MIOS: variants seen among roughly 807,000 people sequenced by gnomAD.
MIOS encodes GATOR2 complex protein MIOS.
A neutral mutation model predicts 96.9 loss-of-function variants in MIOS; 52 were observed. The ratio of observed to expected loss-of-function variants is 0.54; its 90% CI spans 0.43 to 0.68. The LOEUF is 0.68. MIOS is among the 30% of genes least tolerant of loss of function. The pLI is 0.00. For synonymous variants in MIOS, 397 were observed against 359.5 expected (o/e 1.10, Z -1.18); for missense variants, 1,005 against 1,052.8 (o/e 0.95, Z 0.63).
At position 7,583,108 on chromosome 7, in the gene MIOS, CT is replaced by C. The variant is rs1783781277; in HGVS notation, c.1394-9del. The C allele has an allele frequency of 1.9e-6, 3 of 1,592,184 alleles. No individual in the cohort carries two copies. The highest frequency in any genetic ancestry group is 1.8e-5 in the Admixed American group (1 of 55,918). On this transcript the variant is annotated splice_polypyrimidine_tract_variant and intron_variant, in intron 5 of 12. Coordinates refer to ENST00000340080, the MANE Select transcript of MIOS (RefSeq NM_019005.4). ...AAATAAAACAATATAAAAATGTTTT[CT>C]GTTTTTAGGAATGGTGGAAAGCAGC...
intron 5 of MIOS, among the ~76,000 whole-genome samples, chr7:7,580,688 T>G (rs557480507): frequency 2.7e-5 from 3 of 112,368 alleles, no homozygotes; most frequent in African/African-American, 9.7e-5. Context: ...CTATGTACTA[T>G]TTTACCTTTT....
intron 10 of MIOS, among the ~76,000 whole-genome samples, chr7:7,595,900 T>G (rs998842280): frequency 6.6e-6 from 1 of 152,212 alleles, no homozygotes; most frequent in African/African-American, 2.4e-5. Context: ...GAAAATTTTG[T>G]TCAGAAGATT....
rs750969155 is a variant in MIOS at position 7,589,504 on chromosome 7, A to G, written c.1984A>G (p.Met662Val). ...TGLTKDGVDLMESYVDRTGDV... is the reference protein window; with the variant it reads ...TGLTKDGVDLVESYVDRTGDV... ...CCTTACTAAAGATGGAGTGGACTTA[A>G]TGGAGAGTTATGTTGATAGAACTGG... Residue 662 changes from methionine (M) to valine (V), a missense_variant, in exon 9 of 13, where the codon ATG (methionine) becomes GTG (valine). Met to Val is a conservative substitution (Grantham distance 21, BLOSUM62 1). Coordinates refer to ENST00000340080, the MANE Select transcript of MIOS (RefSeq NM_019005.4). 2.5e-6 allele frequency: 4 copies of G among 1,613,562 alleles called. No individual in the cohort carries two copies. Among genetic ancestry groups the G allele is most frequent in the Non-Finnish European group, 3.4e-6 (4 of 1,179,678 alleles).
Position 7,585,766 on chromosome 7 carries a change from A to G in MIOS, c.1779A>G (p.Ala593=), listed in dbSNP as rs760076658. 19 of 1,611,550 alleles carry G rather than the reference A, an allele frequency of 1.2e-5. No homozygotes were observed. The highest frequency in any genetic ancestry group is 1.1e-4 in the African/African-American group (8 of 74,910). The change falls in exon 7 of 13, where the codon GCA becomes GCG. Residue 593 remains alanine (A), a synonymous_variant. Coordinates refer to ENST00000340080, the MANE Select transcript of MIOS (RefSeq NM_019005.4). ...ACCCGTATTTGTGTGTCATGTTTGC[A>G]TTTCTGACAAGTGAAACAGGATCTT... The part of the protein sequence containing the change: ...LNNPYLCVMF[A]FLTSETGSYD...
chr7:7,593,840 C>G (rs1390428391), intron 9 of MIOS, among the ~76,000 whole-genome samples: 2 of 142,074 alleles, frequency 1.4e-5, no homozygotes, highest in African/African-American at 5.3e-5. Context: ...GATCGTGCCA[C>G]TGCGCTCCAG....
At chr7:7,587,744 G>A (rs373542840) in intron 7 of MIOS, among the ~76,000 whole-genome samples, 2 of 151,974 alleles carry the variant, frequency 1.3e-5, no homozygotes, top group African/African-American at 4.8e-5. Context: ...TAAGATATAG[G>A]TATCAACTGA....
intron 11 of MIOS, among the ~76,000 whole-genome samples, chr7:7,596,978 T>C (rs1365442486): frequency 6.6e-6 from 1 of 152,066 alleles, no homozygotes; most frequent in Non-Finnish European, 1.5e-5. Context: ...AAGGATTACT[T>C]GAGCCTGGGA....
At position 7,573,496 on chromosome 7, in the gene MIOS, G is replaced by T. The variant is rs765334419; in HGVS notation, c.1021G>T (p.Val341Leu). Reference protein sequence around the residue: ...HPTSQNRMIVVTPNRTMSDFT... With the variant: ...HPTSQNRMIVLTPNRTMSDFT... ...AACAAGTCAAAATCGAATGATAGTT[G>T]TAACTCCCAACCGAACAATGTCAGA... Residue 341 changes from valine (V) to leucine (L), a missense_variant, in exon 4 of 13, where the codon GTA becomes TTA. Val to Leu is a conservative substitution (Grantham distance 32). Around this residue, in one of 3 missense-constraint regions of MIOS, gnomAD observed 865 missense variants for 887.9 expected, o/e 0.97. Transcript: ENST00000340080. The surrounding 1 kb of genome is among the most constrained non-coding windows in gnomAD (Gnocchi z 5.0). The T allele has an allele frequency of 1.9e-6, 3 of 1,613,992 alleles. No homozygotes were observed. In the African/African-American group the frequency reaches 4.0e-5, roughly 22 times the overall value.
In MIOS at chr7:7,606,977, A is replaced by G; in HGVS notation, c.2532-19A>G. The G allele has an allele frequency of 1.9e-6, 3 of 1,574,088 alleles. No individual in the cohort carries two copies. The highest frequency in any genetic ancestry group is 2.6e-6 in the Non-Finnish European group (3 of 1,149,118). ...TGTCTAATTTGGATTTTTAACTGTT[A>G]TTTGACCTATTTTTTTAGGGACCAT... On this transcript the variant is annotated intron_variant, in intron 12 of 12. Transcript: ENST00000340080.
intron 9 of MIOS, among the ~76,000 whole-genome samples, chr7:7,593,589 A>G (rs926073403): frequency 1.3e-5 from 2 of 152,014 alleles, no homozygotes; most frequent in Non-Finnish European, 2.9e-5. Context: ...CAGGGCTGAA[A>G]GTCTTCTAAG....
intron 4 of MIOS, 82 bp from the exon 5 acceptor site, chr7:7,574,016 A>G: frequency 8.8e-7 from 1 of 1,132,402 alleles, no homozygotes. Context: ...GATACTTATT[A>G]TGAATTGGCT....
intron 9 of MIOS, among the ~76,000 whole-genome samples, chr7:7,593,417 T>A (rs749606065): frequency 4.6e-5 from 7 of 152,194 alleles, no homozygotes; most frequent in Admixed American, 6.5e-5. Context: ...TCTTTTTTTT[T>A]ATAAGTAAGA....
chr7:7,601,180 A>G (rs1784366652), intron 11 of MIOS, among the ~76,000 whole-genome samples: 2 of 152,190 alleles, frequency 1.3e-5, no homozygotes, highest in Non-Finnish European at 2.9e-5. Context: ...GAGCAAACAC[A>G]TTGAAAAGCT....
At chr7:7,581,950 C>T (rs1404225624) in intron 5 of MIOS, 4 of 141,222 alleles carry the variant, frequency 2.8e-5, no homozygotes, top group Admixed American at 1.6e-4. Flanking sequence ...TCTGTTATCT[C>T]GAGACAAGTT....
intron 3 of MIOS, among the ~76,000 whole-genome samples, chr7:7,568,439 A>G (rs1057491370): frequency 5.9e-5 from 9 of 152,190 alleles, no homozygotes; most frequent in Admixed American, 5.9e-4. Flanking sequence ...TTGGTGATGT[A>G]TGTTCATGAG....
intron 12 of MIOS, among the ~76,000 whole-genome samples, chr7:7,606,442 T>C (rs1784533503): frequency 6.6e-6 from 1 of 152,200 alleles, no homozygotes; most frequent in African/African-American, 2.4e-5. Flanking sequence ...TCTGCCTCAG[T>C]TCTCTTCTAA....
chr7:7,587,275 C>T (rs982279805), intron 7 of MIOS, among the ~76,000 whole-genome samples: 12 of 152,076 alleles, frequency 7.9e-5, no homozygotes, highest in African/African-American at 2.7e-4. Context: ...CTGACTTGGC[C>T]TCCCAAAGTG....
chr7:7,578,319 A>T (rs75570439), intron 5 of MIOS, among the ~76,000 whole-genome samples: 3,245 of 152,276 alleles, frequency 0.021, 111 homozygotes, highest in African/African-American at 0.074. Flanking sequence ...TCCTTTTAAG[A>T]TGGCAGAAAG....
At position 7,572,733 on chromosome 7, in the gene MIOS, A is replaced by G; in HGVS notation, c.258A>G (p.Arg86=). 6.2e-7 allele frequency: 1 copy of G among 1,614,164 alleles called. No homozygotes were observed. The change falls in exon 4 of 13, where the codon CGA becomes CGG. Residue 86 remains arginine, a synonymous_variant. Transcript: ENST00000340080. This position sits in a 1 kb window ranked among gnomAD's most constrained non-coding sequence, Gnocchi z 4.8. ...TGGCAGTTGGACAAGCAAATGGTCG[A>G]GTTGTACTTACAAGCCTTGGTCAAG... ...CLLAVGQANG[R]VVLTSLGQDH...
Sources: gnomAD v4.1 joint callset for allele counts (sites outside exome capture counted in the v4.1 genomes callset) on GRCh38, gnomAD v4.1.1 for gene constraint, gnomAD v4.1.1 regional missense constraint, Gnocchi (gnomAD v3.1) non-coding constraint, MANE v1.5 for transcripts, NCBI Gene and HGNC (gene_info 2026-07-23, HGNC 2026-07-21) for gene names.